MAP3K15: variants seen among roughly 807,000 people sequenced by gnomAD.
MAP3K15 encodes mitogen-activated protein kinase kinase kinase 15, also known as MAPK/ERK kinase kinase 15.
MAP3K15 carries 124 observed loss-of-function variants against 99.5 expected under a neutral mutation model. The ratio of observed to expected loss-of-function variants is 1.25; its 90% CI spans 1.08 to 1.45. MAP3K15 has a LOEUF of 1.45. MAP3K15 is among the 40% of genes most tolerant of loss of function. MAP3K15 has a pLI of 0.00. For missense variants in MAP3K15, 1,242 were observed against 1,079.7 expected, an observed-to-expected ratio of 1.15 and a Z score of -2.11; for synonymous variants, 494 against 439.6, an observed-to-expected ratio of 1.12 and a Z score of -1.55.
intron 11 of MAP3K15, 122 bp from the exon 12 acceptor site, chrX:19,410,095 T>C (rs1276621235): frequency 2.0e-6 from 1 of 507,216 alleles, no homozygotes. Flanking sequence ...TTTTTACGGG[T>C]TACAGCAATA....
chrX:19,446,611 C>T (rs957128013), intron 6 of MAP3K15, among the ~76,000 whole-genome samples: 3 of 111,638 alleles, frequency 2.7e-5, no homozygotes, highest in Non-Finnish European at 3.8e-5. Context: ...AGGTCCTTAA[C>T]CCCTGGGGCC....
Position 19,373,530 on chromosome X carries a change from G to A in MAP3K15, c.2933+6C>T. The A allele has an allele frequency of 1.7e-6, 2 of 1,168,606 alleles. No individual in the cohort carries two copies. The highest frequency in any genetic ancestry group is 3.8e-5 in the South Asian group (2 of 52,768). On this transcript the variant is annotated splice_donor_region_variant and intron_variant, in intron 21 of 28. Transcript: ENST00000338883. Reference sequence around the variant, plus strand: ...CCCGCGGCAGACAGACAGAATACGGGTGTACCTGAGGAGGTGGCCAAGGTG... The same window carrying A: ...CCCGCGGCAGACAGACAGAATACGGATGTACCTGAGGAGGTGGCCAAGGTG...
intron 9 of MAP3K15, 43 bp downstream of exon 9, chrX:19,425,488 C>T (rs760251256): frequency 6.2e-6 from 7 of 1,126,390 alleles, no homozygotes; most frequent in Middle Eastern, 2.4e-4. Context: ...AGAACAAGAT[C>T]ATGTATTGAG....
At chrX:19,415,394 C>T in intron 9 of MAP3K15, 137 bp from the exon 10 acceptor site, 1 of 529,336 alleles carries the variant, frequency 1.9e-6, no homozygotes, top group Non-Finnish European at 2.7e-6. Flanking sequence ...TAAACGACTG[C>T]TCAGCAGCCA....
At chrX:19,368,005 C>A (rs960323197) in intron 25 of MAP3K15, among the ~76,000 whole-genome samples, 4 of 109,128 alleles carry the variant, frequency 3.7e-5, no homozygotes, top group African/African-American at 1.0e-4. Flanking sequence ...TCTTGGCCTC[C>A]CAAAGTGCTG....
At chrX:19,399,707 C>A (rs1290217351) in intron 14 of MAP3K15, among the ~76,000 whole-genome samples, 1 of 99,276 alleles carries the variant, frequency 1.0e-5, no homozygotes, top group Non-Finnish European at 2.0e-5. Flanking sequence ...GCACTCCACT[C>A]CAGCCTCAGC....
intron 3 of MAP3K15, among the ~76,000 whole-genome samples, chrX:19,474,342 A>T (rs1341563739): frequency 9.0e-6 from 1 of 111,124 alleles, no homozygotes; most frequent in African/African-American, 3.3e-5. Flanking sequence ...TCCCATCCTA[A>T]ATGGATGACC....
chrX:19,454,745 C>G (rs2064079989), intron 6 of MAP3K15, among the ~76,000 whole-genome samples: 2 of 112,128 alleles, frequency 1.8e-5, no homozygotes, highest in Admixed American at 9.5e-5. Context: ...TCGCTCAAAA[C>G]TATATATACC....
intron 23 of MAP3K15, 98 bp from the exon 24 acceptor site, chrX:19,371,162 T>TG: frequency 1.2e-6 from 1 of 803,050 alleles, no homozygotes; most frequent in Non-Finnish European, 1.8e-6. Flanking sequence ...CTCATCCTCT[T>TG]GGGGGCCGCA....
chrX:19,506,471 G>C (rs1283030763), intron 1 of MAP3K15, among the ~76,000 whole-genome samples: 2 of 112,149 alleles, frequency 1.8e-5, no homozygotes, highest in African/African-American at 3.2e-5. Flanking sequence ...CATCAGACTA[G>C]AGCAAAACCA....
At chrX:19,465,864 T>TGA (rs1555961325) in intron 3 of MAP3K15, among the ~76,000 whole-genome samples, 14 of 107,887 alleles carry the variant, frequency 1.3e-4, no homozygotes, top group East Asian at 2.9e-4. Context: ...TGTGTGTGTG[T>TGA]GATAAGTGGG....
chrX:19,387,085 C>G (rs747619054), intron 18 of MAP3K15, among the ~76,000 whole-genome samples: 4 of 112,109 alleles, frequency 3.6e-5, no homozygotes, highest in Non-Finnish European at 7.5e-5. Flanking sequence ...CCTAGTTGAC[C>G]TGACCAAGGG....
Position 19,490,769 on chromosome X carries a change from A to T in MAP3K15, c.362-1802T>A, listed in dbSNP as rs769572717. 8.2e-5 allele frequency among the ~76,000 whole-genome samples: 9 copies of T among 110,079 alleles called. No individual in the cohort carries two copies. The East Asian group carries it at 1.1e-3, about 14-fold the overall frequency. On this transcript the variant is annotated intron_variant, in intron 1 of 28. Transcript: ENST00000338883. The stretch of plus-strand genomic sequence containing the variant: ...GTCTCATAAACTAAAAAAAAAAAAA[A>T]AATAAAATGCACCCTGGAGTTGCAC...
chrX:19,414,190 G>A (rs185527865), intron 10 of MAP3K15: 1,565 of 108,681 alleles, frequency 0.014, 18 homozygotes, highest in Middle Eastern at 0.058. Flanking sequence ...AAGAGGAGGG[G>A]TGAGATGAGG....
intron 7 of MAP3K15, among the ~76,000 whole-genome samples, chrX:19,428,977 A>G (rs1237640939): frequency 1.8e-5 from 2 of 109,703 alleles, no homozygotes; most frequent in Admixed American, 9.8e-5. Flanking sequence ...TCAAAAAAAG[A>G]AAAAAAAAGG....
At chrX:19,378,561 G>T (rs972318603) in intron 19 of MAP3K15, among the ~76,000 whole-genome samples, 1 of 111,210 alleles carries the variant, frequency 9.0e-6, no homozygotes, top group African/African-American at 3.3e-5. Flanking sequence ...AGAACTGGAT[G>T]GGGGAAATCA....
intron 6 of MAP3K15, among the ~76,000 whole-genome samples, chrX:19,451,418 C>T (rs868217856): frequency 8.7e-5 from 9 of 103,713 alleles, no homozygotes; most frequent in African/African-American, 2.8e-4. Context: ...TATATTTGAT[C>T]GGGAGTCAAT....
Position 19,486,245 on chromosome X carries a change from A to G in MAP3K15, c.525+237T>C, listed in dbSNP as rs761485944. On this transcript the variant is annotated intron_variant, in intron 3 of 28. Transcript: ENST00000338883. ...AAAGTCCCAGCAGGTAATGAAGAAC[A>G]TACACTTTCTTGCCTGGCCTTGCCT... Among the ~76,000 whole-genome samples, 189 of 111,788 alleles carry G rather than the reference A, an allele frequency of 1.7e-3. 1 individual carries two copies. The highest frequency in any genetic ancestry group is 5.9e-3 in the African/African-American group (182 of 30,801).
intron 28 of MAP3K15, 135 bp from the exon 29 acceptor site, chrX:19,360,968 CAGT>C: frequency 2.1e-6 from 1 of 467,812 alleles, no homozygotes; most frequent in Non-Finnish European, 3.6e-6. Context: ...CGTGTCCCAG[CAGT>C]AGTAGGACAT....
Sources: gnomAD v4.1 joint callset for allele counts (sites outside exome capture counted in the v4.1 genomes callset) on GRCh38, gnomAD v4.1.1 for gene constraint, MANE v1.5 for transcripts, NCBI Gene and HGNC (gene_info 2026-07-23, HGNC 2026-07-21) for gene names.